Variants in DRC7 observed in about 807,000 individuals in gnomAD.
DRC7 encodes coiled-coil domain containing 135.
Under a neutral mutation model 104.4 loss-of-function variants are expected in DRC7, and 80 were observed. The ratio of observed to expected loss-of-function variants is 0.77; its 90% CI spans 0.64 to 0.92. The LOEUF is 0.92. DRC7 is among the 40% of genes least tolerant of loss of function. The pLI, the probability that DRC7 is intolerant of heterozygous loss-of-function variation, is 0.00. For synonymous variants in DRC7, 405 were observed against 447.3 expected (o/e 0.91, Z 1.19); for missense variants, 1,034 against 1,141.1 (o/e 0.91, Z 1.35).
Position 57,730,999 on chromosome 16 carries a change from T to A in DRC7, c.2460T>A (p.Asp820Glu). The change falls in exon 18 of 19, where the codon GAT (aspartate) becomes GAA (glutamate). Residue 820 changes from aspartate (D) to glutamate (E), a missense_variant. Coordinates refer to ENST00000360716, the MANE Select transcript of DRC7 (RefSeq NM_001289162.2). ...QENQVTLTPE[D>E]EDLYLSYCSQ... ...ACCAGGTGACGCTGACACCCGAGGATGAAGACCTGTACCTGAGTTACTGCT... is the reference window on the plus strand; with the variant it reads ...ACCAGGTGACGCTGACACCCGAGGAAGAAGACCTGTACCTGAGTTACTGCT... The A allele has an allele frequency of 6.2e-7, 1 of 1,613,608 alleles. No individual in the cohort carries two copies. The highest frequency in any genetic ancestry group is 1.1e-5 in the South Asian group (1 of 91,088).
Position 57,715,191 on chromosome 16 carries a change from G to T in DRC7, c.1078-3156G>T, listed in dbSNP as rs182599683. ...GCCTCCTGAGTAGCTGGGATTACAG[G>T]CATGCACTACCACAAGTGGCTAATT... On this transcript the variant is annotated intron_variant, in intron 8 of 18. Transcript: ENST00000360716. Among the ~76,000 whole-genome samples, 26 of 152,248 alleles carry T rather than the reference G, an allele frequency of 1.7e-4. 1 individual carries two copies. The East Asian group carries it at 5.0e-3, about 29-fold the overall frequency.
intron 8 of DRC7, among the ~76,000 whole-genome samples, chr16:57,709,430 C>T (rs1473520558): frequency 6.6e-6 from 1 of 152,144 alleles, no homozygotes; most frequent in African/African-American, 2.4e-5. Flanking sequence ...AGTATCATAA[C>T]ATTTCACTAT....
At chr16:57,700,892 G>A (rs1386495219) in intron 5 of DRC7, among the ~76,000 whole-genome samples, 2 of 152,032 alleles carry the variant, frequency 1.3e-5, no homozygotes, top group African/African-American at 4.8e-5. Context: ...GGGGCTTTAG[G>A]TGTTTTTTCT....
intron 17 of DRC7, among the ~76,000 whole-genome samples, chr16:57,728,874 A>ATAGG (rs10672634): frequency 0.28 from 38,840 of 137,738 alleles, 7,302 homozygotes; most frequent in African/African-American, 0.54. Context: ...AGATGGATGA[A>ATAGG]TAGATAGATG....
intron 17 of DRC7, among the ~76,000 whole-genome samples, chr16:57,730,167 A>AGGTGGGTGGATGGAAGAGTG (rs2049042761): frequency 1.3e-5 from 1 of 76,860 alleles, no homozygotes; most frequent in South Asian, 4.3e-4. Context: ...ATGGATGAGT[A>AGGTGGGTGGATGGAAGAGTG]GGTGGGTGGA....
At position 57,721,694 on chromosome 16, in the gene DRC7, G is replaced by A. The variant is rs1205351364; in HGVS notation, c.1234G>A (p.Asp412Asn). ...LGKEDEDKSF[D>N]MPHSWVEQIE... ...CAAGGAGGATGAGGATAAGAGCTTC[G>A]ACATGCCCCACTCGTGGGTGGAGCA... is the stretch of plus-strand genomic sequence containing the variant. The change falls in exon 10 of 19, where the codon GAC becomes AAC. Residue 412 changes from aspartate to asparagine, a missense_variant. Coordinates refer to ENST00000360716, the MANE Select transcript of DRC7 (RefSeq NM_001289162.2). The A allele has an allele frequency of 3.1e-6, 5 of 1,613,830 alleles. No individual in the cohort carries two copies. The highest frequency in any genetic ancestry group is 1.7e-5 in the Admixed American group (1 of 59,990).
At position 57,722,692 on chromosome 16, in the gene DRC7, C is replaced by G. The variant is rs371441712; in HGVS notation, c.1280-21C>G. ...TTCCCCCAAACTAGCAAGAAGAGAC[C>G]ACAGCTGACTGTGTCCACAGCATTT... On this transcript the variant is annotated intron_variant, in intron 10 of 18. Transcript: ENST00000360716. 9.3e-6 allele frequency: 15 copies of G among 1,612,808 alleles called. No homozygotes were observed. The East Asian group carries it at 1.1e-4, about 12-fold the overall frequency.
Position 57,698,166 on chromosome 16 carries a change from G to T in DRC7, c.203+14G>T. The T allele has an allele frequency of 6.2e-7, 1 of 1,613,816 alleles. No homozygotes were observed. Among genetic ancestry groups the T allele is most frequent in the Non-Finnish European group, 8.5e-7 (1 of 1,179,948 alleles). Reference sequence around the variant, plus strand: ...AGCGGAGCTCCCGTGAGTGTGGCAGGGTGGGGGCCCTGGCAAGGGTAGACC... The same window carrying T: ...AGCGGAGCTCCCGTGAGTGTGGCAGTGTGGGGGCCCTGGCAAGGGTAGACC... On this transcript the variant is annotated intron_variant, in intron 3 of 18. Transcript: ENST00000360716.
At chr16:57,697,819 C>T (rs2048611889) in intron 2 of DRC7, 94 bp from the exon 3 acceptor site, 8 of 1,420,052 alleles carry the variant, frequency 5.6e-6, no homozygotes, top group Non-Finnish European at 7.6e-6. Flanking sequence ...TCCTCAAAAC[C>T]ATCTCCCAGG....
At position 57,700,902 on chromosome 16, in the gene DRC7, T is replaced by C. The variant is rs141838233; in HGVS notation, c.504+632T>C. 2.0e-5 allele frequency among the ~76,000 whole-genome samples: 3 copies of C among 152,148 alleles called. No individual in the cohort carries two copies. In the East Asian group the frequency reaches 5.8e-4, roughly 29 times the overall value. ...AGGCAGGGGCTTTAGGTGTTTTTTC[T>C]AGGGTTGTTTTGCAGCATTTTATTG... On this transcript the variant is annotated intron_variant, in intron 5 of 18. Coordinates refer to ENST00000360716, the MANE Select transcript of DRC7 (RefSeq NM_001289162.2).
intron 17 of DRC7, among the ~76,000 whole-genome samples, chr16:57,730,085 G>C (rs1274811920): frequency 7.6e-6 from 1 of 131,530 alleles, no homozygotes; most frequent in Non-Finnish European, 1.6e-5. Context: ...GGATGGGTGA[G>C]TGGGTGGGTG....
chr16:57,720,520 G>A (rs750997074), intron 9 of DRC7, among the ~76,000 whole-genome samples: 1 of 152,190 alleles, frequency 6.6e-6, no homozygotes, highest in Non-Finnish European at 1.5e-5. Flanking sequence ...CACCCACATG[G>A]CTAATAATCA....
At chr16:57,702,541 G>A (rs1262069541) in intron 6 of DRC7, among the ~76,000 whole-genome samples, 1 of 152,214 alleles carries the variant, frequency 6.6e-6, no homozygotes, top group Admixed American at 6.5e-5. Context: ...GCTCATGCCT[G>A]TAATCCCAGC....
At position 57,717,474 on chromosome 16, in the gene DRC7, G is replaced by A. The variant is rs146495000; in HGVS notation, c.1078-873G>A. Among the ~76,000 whole-genome samples, 573 of 151,196 alleles carry A rather than the reference G, an allele frequency of 3.8e-3. 1 individual carries two copies. The highest frequency in any genetic ancestry group is 0.014 in the South Asian group (69 of 4,782). On this transcript the variant is annotated intron_variant, in intron 8 of 18. Transcript: ENST00000360716. Reference sequence around the variant, plus strand: ...AGTACTTTGGGAGGCCAAGGCAGGCGTATCACTTGAGGTCAGGAGTTCGAA... The same window carrying A: ...AGTACTTTGGGAGGCCAAGGCAGGCATATCACTTGAGGTCAGGAGTTCGAA...
Position 57,731,462 on chromosome 16 carries a change from C to A in DRC7, c.*204C>A. On this transcript the variant is annotated 3_prime_UTR_variant, in exon 19 of 19. Transcript: ENST00000360716. ...ACACACTCTTAATTTGCCATTTGTG[C>A]CTTGCGCTTCACAAGCTCCAGCAGC... is the stretch of plus-strand genomic sequence containing the variant. The A allele has an allele frequency of 1.7e-6, 1 of 584,880 alleles. No individual in the cohort carries two copies. Among genetic ancestry groups the A allele is most frequent in the Non-Finnish European group, 3.0e-6 (1 of 329,102 alleles). The allele number at this position is 584,880 out of a possible 1,614,324, so 36.2% of individuals were successfully genotyped here. A position where few individuals can be genotyped will look rare whatever the true frequency, so the allele number is the denominator to read the frequency against.
At chr16:57,701,842 C>T (rs2048661446) in intron 5 of DRC7, 94 bp from the exon 6 acceptor site, 1 of 1,143,250 alleles carries the variant, frequency 8.7e-7, no homozygotes, top group African/African-American at 1.5e-5. Flanking sequence ...TTGGTCCTGG[C>T]TCCCCACCCT....
Position 57,725,258 on chromosome 16 carries a change from G to A in DRC7, c.1758+423G>A, listed in dbSNP as rs1052793191. On this transcript the variant is annotated intron_variant, in intron 13 of 18. Transcript: ENST00000360716. ...AAGCTGCTTATAAAACCATCAGATC[G>A]TGGGAGAACTCACTCACTATCACGA... 8.5e-5 allele frequency among the ~76,000 whole-genome samples: 13 copies of A among 152,226 alleles called. No individual in the cohort carries two copies. In the South Asian group the frequency reaches 1.7e-3, roughly 19 times the overall value.
At chr16:57,718,564 T>C (rs550718635) in intron 9 of DRC7, 89 bp downstream of exon 9, 1 of 1,506,694 alleles carries the variant, frequency 6.6e-7, no homozygotes, top group South Asian at 1.2e-5. Flanking sequence ...TGTGTGGCAG[T>C]GGGGGATGGC....
chr16:57,727,264 GTC>G, intron 15 of DRC7, 33 bp from the exon 16 acceptor site: 1 of 1,507,066 alleles, frequency 6.6e-7, no homozygotes, highest in Middle Eastern at 1.7e-4. Context: ...GAGGAGGGGT[GTC>G]TCCATCACGC....
Sources: allele counts gnomAD v4.1 joint callset (sites outside exome capture counted in the v4.1 genomes callset), GRCh38; gene constraint gnomAD v4.1.1; transcripts MANE v1.5; gene names NCBI Gene and HGNC (gene_info 2026-07-23, HGNC 2026-07-21).